Variants in SOX5 observed in about 807,000 individuals in gnomAD.
The protein encoded by SOX5 is transcription factor SOX-5.
In SOX5, 9 loss-of-function variants were observed where a neutral mutation model predicts 92.0. That is an observed-to-expected ratio of 0.10 (90% CI 0.06 to 0.17). The LOEUF is 0.17. Ranked by LOEUF, SOX5 falls within the 10% of genes least tolerant of loss-of-function variation. SOX5 has a pLI of 1.00. For missense variants in SOX5, 642 were observed against 944.5 expected, an observed-to-expected ratio of 0.68 and a Z score of 4.20; for synonymous variants, 344 against 336.3, an observed-to-expected ratio of 1.02 and a Z score of -0.25.
intron 2 of SOX5, among the ~76,000 whole-genome samples, chr12:24,323,151 C>A (rs1384925932): frequency 2.6e-5 from 4 of 151,950 alleles, no homozygotes; most frequent in Non-Finnish European, 5.9e-5. Context: ...GGTCATTAAT[C>A]TGTTCTAGTT....
At chr12:23,615,230 C>T (rs1283003448) in intron 8 of SOX5, among the ~76,000 whole-genome samples, 2 of 151,852 alleles carry the variant, frequency 1.3e-5, no homozygotes, top group Non-Finnish European at 2.9e-5. Flanking sequence ...TACTTATTAG[C>T]CATTCCTGTC....
intron 2 of SOX5, among the ~76,000 whole-genome samples, chr12:24,284,495 A>G (rs1945605216): frequency 6.6e-6 from 1 of 151,746 alleles, no homozygotes; most frequent in Non-Finnish European, 1.5e-5. Flanking sequence ...ATTATAGACA[A>G]TTACAAACAT....
rs1381120383 is a variant in SOX5 at position 23,534,118 on chromosome 12, A to ACAGTCAGTG, written c.*92_*100dup. ...CTATTTAAGACTAACAGTTAAAGTA[A>ACAGTCAGTG]CAGTCAGTGTATGAGAAAGTTAATG... On this transcript the variant is annotated 3_prime_UTR_variant, in exon 15 of 15. Coordinates refer to ENST00000451604, the MANE Select transcript of SOX5 (RefSeq NM_006940.6). 1.1e-6 allele frequency: 1 copy of ACAGTCAGTG among 929,548 alleles called. No individual in the cohort carries two copies. Among genetic ancestry groups the ACAGTCAGTG allele is most frequent in the Non-Finnish European group, 1.7e-6 (1 of 595,860 alleles). The allele number at this position is 929,548 out of a possible 1,614,324, so 57.6% of individuals were successfully genotyped here.
At chr12:24,273,604 G>C (rs945089847) in intron 3 of SOX5, among the ~76,000 whole-genome samples, 3 of 152,146 alleles carry the variant, frequency 2.0e-5, no homozygotes, top group South Asian at 4.1e-4. Context: ...TCAGAGGTTT[G>C]AAACATTTAT....
At chr12:23,904,427 A>G (rs2097269451) in intron 1 of SOX5, among the ~76,000 whole-genome samples, 1 of 152,302 alleles carries the variant, frequency 6.6e-6, no homozygotes, top group East Asian at 1.9e-4. Context: ...CAGATTTCAA[A>G]GAAATATAGA....
At chr12:23,935,052 G>A (rs2139336267) in intron 1 of SOX5, among the ~76,000 whole-genome samples, 1 of 151,270 alleles carries the variant, frequency 6.6e-6, no homozygotes, top group East Asian at 1.9e-4. Context: ...ACTTAAAACA[G>A]AGATCCATGG....
At chr12:24,018,432 T>A (rs1257409466) in intron 4 of SOX5, among the ~76,000 whole-genome samples, 1 of 152,114 alleles carries the variant, frequency 6.6e-6, no homozygotes, top group African/African-American at 2.4e-5. Context: ...TTACAGAAAA[T>A]CAGGCTTTGA....
intron 2 of SOX5, among the ~76,000 whole-genome samples, chr12:24,282,186 A>G (rs1205299149): frequency 6.6e-6 from 1 of 152,184 alleles, no homozygotes; most frequent in African/African-American, 2.4e-5. Context: ...TAGGAACACA[A>G]AGAAAAGGGA....
At chr12:23,953,580 A>G (rs542429485), upstream of SOX5, among the ~76,000 whole-genome samples, 12 of 152,182 alleles carry the variant, frequency 7.9e-5, no homozygotes, top group East Asian at 2.1e-3. Context: ...AAAAGTTATA[A>G]CAATTCTAAT....
At chr12:24,310,376 CAAG>C (rs779182304) in intron 2 of SOX5, among the ~76,000 whole-genome samples, 4 of 152,070 alleles carry the variant, frequency 2.6e-5, no homozygotes, top group Admixed American at 2.0e-4. Context: ...GTCATTATTC[CAAG>C]AAGAAGCCCC....
intron 2 of SOX5, among the ~76,000 whole-genome samples, chr12:24,280,489 A>G (rs1945038626): frequency 6.6e-6 from 1 of 152,226 alleles, no homozygotes; most frequent in Non-Finnish European, 1.5e-5. Flanking sequence ...AAACAAACAC[A>G]GCTTTCACTT....
At chr12:24,235,388 T>C (rs1964260380) in intron 3 of SOX5, among the ~76,000 whole-genome samples, 1 of 152,226 alleles carries the variant, frequency 6.6e-6, no homozygotes, top group African/African-American at 2.4e-5. Flanking sequence ...TTCCAATTAC[T>C]AGAGGTCACT....
intron 1 of SOX5, among the ~76,000 whole-genome samples, chr12:24,381,547 G>A (rs1439559663): frequency 6.6e-6 from 1 of 152,170 alleles, no homozygotes; most frequent in African/African-American, 2.4e-5. Context: ...AGTGGATGGG[G>A]TGAGAGCATG....
At chr12:23,641,413 A>G (rs930298153) in intron 7 of SOX5, among the ~76,000 whole-genome samples, 2 of 152,196 alleles carry the variant, frequency 1.3e-5, no homozygotes, top group Admixed American at 1.3e-4. Context: ...CGAAGAAAAC[A>G]TTTTATGTGT....
intron 5 of SOX5, among the ~76,000 whole-genome samples, chr12:23,736,680 GTTCT>G (rs1483884840): frequency 1.4e-5 from 2 of 144,106 alleles, no homozygotes; most frequent in Admixed American, 6.9e-5. Flanking sequence ...AACACATTTT[GTTCT>G]TTCTCTTTTT....
chr12:24,174,099 G>A (rs1954529311), intron 4 of SOX5, among the ~76,000 whole-genome samples: 3 of 152,044 alleles, frequency 2.0e-5, no homozygotes, highest in Non-Finnish European at 4.4e-5. Flanking sequence ...CTGGGTTCAA[G>A]TGATCCTCCA....
chr12:23,876,269 C>G lies in SOX5; in HGVS notation c.270+19524G>C, dbSNP rs868079811. 2.0e-5 allele frequency among the ~76,000 whole-genome samples: 3 copies of G among 152,210 alleles called. No homozygotes were observed. In the South Asian group the frequency reaches 6.2e-4, roughly 32 times the overall value. ...ATCCAGAATCTACAAGGAACTTAAA[C>G]AAATTTACAAGAAATAAACAAACAA... On this transcript the variant is annotated intron_variant, in intron 2 of 14. Transcript: ENST00000451604.
intron 4 of SOX5, among the ~76,000 whole-genome samples, chr12:23,965,371 T>C (rs1189107475): frequency 1.3e-5 from 2 of 152,128 alleles, no homozygotes; most frequent in South Asian, 2.1e-4. Flanking sequence ...ACTGACCACT[T>C]CAGGTTCAAA....
chr12:24,500,575 A>G (rs1948094268), intron 1 of SOX5, among the ~76,000 whole-genome samples: 1 of 152,230 alleles, frequency 6.6e-6, no homozygotes, highest in South Asian at 2.1e-4. Flanking sequence ...CAGCAACATA[A>G]AAGCCAACTT....
Sources: allele counts gnomAD v4.1 joint callset (sites outside exome capture counted in the v4.1 genomes callset), GRCh38; gene constraint gnomAD v4.1.1; transcripts MANE v1.5; gene names NCBI Gene and HGNC (gene_info 2026-07-23, HGNC 2026-07-21).